CEP89: variants seen among roughly 807,000 people sequenced by gnomAD.
CEP89 encodes centrosomal protein 89, also known as centrosomal protein of 89 kDa.
Under a neutral mutation model 97.6 loss-of-function variants are expected in CEP89, and 95 were observed. The ratio of observed to expected loss-of-function variants is 0.97; its 90% CI spans 0.82 to 1.15. The LOEUF (loss-of-function observed/expected upper bound fraction) is 1.15. Among genes scored for constraint, CEP89 ranks in the 50% most tolerant of loss-of-function variants. CEP89 has a pLI of 0.00. For synonymous variants in CEP89, 354 were observed against 349.1 expected, an observed-to-expected ratio of 1.01 and a Z score of -0.16; for missense variants, 869 against 947.7, an observed-to-expected ratio of 0.92 and a Z score of 1.09.
intron 18 of CEP89, 62 bp from the exon 19 acceptor site, chr19:32,879,440 C>G: frequency 7.3e-7 from 1 of 1,364,762 alleles, no homozygotes; most frequent in Non-Finnish European, 1.0e-6. Flanking sequence ...ATATGAATCC[C>G]AAAGTAGCAA....
intron 14 of CEP89, among the ~76,000 whole-genome samples, chr19:32,911,393 ATG>A: frequency 3.3e-5 from 5 of 152,224 alleles, no homozygotes; most frequent in African/African-American, 1.2e-4. Flanking sequence ...ATGGTGGCTC[ATG>A]CCTGGAATCT....
rs571360153 is a variant in CEP89 at position 32,925,722 on chromosome 19, A to G, written c.1164+468T>C. ...AGGCTGGTCTTGAACTCCTGACCTC[A>G]TGTGATCCACCCACCTCGGCCTCCC... On this transcript the variant is annotated intron_variant, in intron 11 of 18. Coordinates refer to ENST00000305768, the MANE Select transcript of CEP89 (RefSeq NM_032816.5). Among the ~76,000 whole-genome samples the G allele has an allele frequency of 1.3e-3, 199 of 152,128 alleles. 1 individual carries two copies. Among genetic ancestry groups the G allele is most frequent in the Middle Eastern group, 6.8e-3 (2 of 294 alleles).
chr19:32,966,295 C>G, intron 2 of CEP89, 65 bp downstream of exon 2: 1 of 867,622 alleles, frequency 1.2e-6, no homozygotes, highest in Non-Finnish European at 1.7e-6. Context: ...TTGAGCAGTT[C>G]CAGGATCCAG....
At chr19:32,900,888 C>CTT (rs34188586) in intron 15 of CEP89, among the ~76,000 whole-genome samples, 4,146 of 138,124 alleles carry the variant, frequency 0.03, 258 homozygotes, top group African/African-American at 0.11. Context: ...CTTCATTTGT[C>CTT]TTTTTTTTTT....
intron 12 of CEP89, among the ~76,000 whole-genome samples, chr19:32,920,025 T>G (rs1026011286): frequency 6.6e-6 from 1 of 152,094 alleles, no homozygotes; most frequent in African/African-American, 2.4e-5. Context: ...CTCCCTTCCT[T>G]CATTCATTTC....
chr19:32,922,116 G>A (rs1970261359), intron 12 of CEP89, among the ~76,000 whole-genome samples: 1 of 152,186 alleles, frequency 6.6e-6, no homozygotes. Flanking sequence ...ACAAAAATGA[G>A]CAGGACATTG....
rs944133380 is a variant in CEP89, at chr19:32,958,857, A to C, written c.305+1043T>G. On this transcript the variant is annotated intron_variant, in intron 3 of 18. Coordinates refer to ENST00000305768, the MANE Select transcript of CEP89 (RefSeq NM_032816.5). Reference sequence around the variant, plus strand: ...CATGGAGAAACCCCGTCTCTACTAAAAATACAAAAATTAGCCAGGTGTGGT... The same window carrying C: ...CATGGAGAAACCCCGTCTCTACTAACAATACAAAAATTAGCCAGGTGTGGT... Among the ~76,000 whole-genome samples the C allele has an allele frequency of 3.4e-4, 52 of 151,680 alleles. 1 individual carries two copies. The highest frequency in any genetic ancestry group is 3.3e-4 in the Admixed American group (5 of 15,202).
At position 32,926,362 on chromosome 19, in the gene CEP89, T is replaced by C. The variant is rs1046643404; in HGVS notation, c.1081-89A>G. 17 of 919,628 alleles carry C rather than the reference T, an allele frequency of 1.8e-5. 1 individual carries two copies. In the Admixed American group the frequency reaches 2.9e-4, roughly 16 times the overall value. 57.0% of individuals were successfully genotyped at this position (919,628 alleles called of 1,614,324 possible). A position where few individuals can be genotyped will look rare whatever the true frequency, so the allele number is the denominator to read the frequency against. Reference sequence around the variant, plus strand: ...TTAAATGGCAAGAAGTTATACTTTTTTGAAATGGTTTCTTTGGTTGCAGTT... The same window carrying C: ...TTAAATGGCAAGAAGTTATACTTTTCTGAAATGGTTTCTTTGGTTGCAGTT... On this transcript the variant is annotated intron_variant, in intron 10 of 18. Transcript: ENST00000305768.
rs1407513325 is a variant in CEP89 at position 32,912,683 on chromosome 19, C to CT, written c.1565+2653dup. Among the ~76,000 whole-genome samples, 8 of 152,248 alleles carry CT rather than the reference C, an allele frequency of 5.3e-5. No homozygotes were observed. The East Asian group carries it at 1.5e-3, about 29-fold the overall frequency. On this transcript the variant is annotated intron_variant, in intron 14 of 18. Transcript: ENST00000305768. The stretch of plus-strand genomic sequence containing the variant: ...TTCTATTAATATTTTCCCATTCTGC[C>CT]TTTTTTCTATGTACTTACAGTACAT...
intron 3 of CEP89, 147 bp downstream of exon 3, chr19:32,959,753 A>G (rs1263134422): frequency 1.3e-6 from 1 of 753,584 alleles, no homozygotes; most frequent in Non-Finnish European, 2.1e-6. Context: ...CTAAGACTCT[A>G]GTCATAAATA....
intron 12 of CEP89, among the ~76,000 whole-genome samples, chr19:32,918,953 C>T (rs1970191673): frequency 6.9e-6 from 1 of 144,670 alleles, no homozygotes; most frequent in Admixed American, 7.1e-5. Context: ...GGCGCAATCT[C>T]GGCTCACTGC....
At chr19:32,884,809 T>A (rs1396055437) in intron 17 of CEP89, among the ~76,000 whole-genome samples, 1 of 152,176 alleles carries the variant, frequency 6.6e-6, no homozygotes, top group African/African-American at 2.4e-5. Flanking sequence ...GCGATCCTAC[T>A]ACTTCAGCCT....
intron 7 of CEP89, 41 bp from the exon 8 acceptor site, chr19:32,933,710 G>T: frequency 8.1e-7 from 1 of 1,236,458 alleles, no homozygotes; most frequent in Non-Finnish European, 1.2e-6. Flanking sequence ...GTTAATTGAT[G>T]TTGACAATGT....
chr19:32,942,800 T>C (rs1970713945), intron 5 of CEP89, among the ~76,000 whole-genome samples: 1 of 151,692 alleles, frequency 6.6e-6, no homozygotes, highest in Non-Finnish European at 1.5e-5. Context: ...GCTTCAATAC[T>C]GGGCATACTC....
intron 12 of CEP89, among the ~76,000 whole-genome samples, chr19:32,922,950 A>T (rs779753679): frequency 5.3e-5 from 8 of 152,156 alleles, no homozygotes; most frequent in Non-Finnish European, 7.4e-5. Flanking sequence ...CTAGAGGATG[A>T]GGAGTGCAGA....
At chr19:32,924,740 C>T (rs1386534194) in intron 11 of CEP89, among the ~76,000 whole-genome samples, 2 of 151,934 alleles carry the variant, frequency 1.3e-5, no homozygotes, top group African/African-American at 4.8e-5. Context: ...AAACCAGCTG[C>T]CTGTTTTTAT....
In CEP89 at chr19:32,926,205, G is replaced by A. The variant is rs577830794; in HGVS notation, c.1149C>T (p.Leu383=). ...GCCAGCCTACCTTGAGGGTGGCATT[G>A]AGCTCGTCCTTCTCTTTCATCATAT... The part of the protein sequence containing the change: ...YEDMMKEKDE[L]NATLKEEMRM... Residue 383 remains leucine (L), a synonymous_variant, in exon 11 of 19, where the codon CTC becomes CTT. Coordinates refer to ENST00000305768, the MANE Select transcript of CEP89 (RefSeq NM_032816.5). The A allele has an allele frequency of 4.3e-6, 7 of 1,613,116 alleles. No individual in the cohort carries two copies. The highest frequency in any genetic ancestry group is 1.7e-4 in the Middle Eastern group (1 of 6,060).
intron 6 of CEP89, among the ~76,000 whole-genome samples, chr19:32,938,023 T>C (rs1970613991): frequency 1.5e-5 from 1 of 67,368 alleles, no homozygotes; most frequent in Non-Finnish European, 2.9e-5. Flanking sequence ...TTTTTTTTTG[T>C]AGAGATGGGG....
chr19:32,960,161 T>C, intron 2 of CEP89, 103 bp from the exon 3 acceptor site: 1 of 1,258,528 alleles, frequency 7.9e-7, no homozygotes, highest in Non-Finnish European at 1.1e-6. Context: ...TGCTGGACAG[T>C]GTCGACTGAG....
Sources: allele counts gnomAD v4.1 joint callset (sites outside exome capture counted in the v4.1 genomes callset), GRCh38; gene constraint gnomAD v4.1.1; transcripts MANE v1.5; gene names NCBI Gene and HGNC (gene_info 2026-07-23, HGNC 2026-07-21).